Variants in GABRB1 observed in about 807,000 individuals in gnomAD.
GABRB1 encodes gamma-aminobutyric acid type A receptor subunit beta1, also known as gamma-aminobutyric acid receptor subunit beta-1.
In GABRB1, 17 loss-of-function variants were observed where a neutral mutation model predicts 51.6. The observed-to-expected ratio is 0.33, with a 90% CI of 0.23 to 0.49. The LOEUF (loss-of-function observed/expected upper bound fraction) is 0.49, where lower values mean the gene tolerates loss of function less well. GABRB1 is among the 20% of genes least tolerant of loss of function. The pLI is 0.99. For synonymous variants in GABRB1, 247 were observed against 218.9 expected, an observed-to-expected ratio of 1.13 and a Z score of -1.14; for missense variants, 410 against 600.6, an observed-to-expected ratio of 0.68 and a Z score of 3.32.
Position 47,019,574 on chromosome 4 carries a change from T to TCTCTCC in GABRB1, c.-19-12337_-19-12336insTCCCTC, listed in dbSNP as rs1560497981. ...TTCTCTCTCTCTCTCTCTCTCTCTCTCTCCCTCCTTCCTCCCTCCCTCCCT... is the reference window on the plus strand; with the variant it reads ...TTCTCTCTCTCTCTCTCTCTCTCTCTCTCTCCCTCCCTCCTTCCTCCCTCCCTCCCT... On this transcript the variant is annotated intron_variant, in intron 1 of 3. Coordinates refer to the GABRB1 transcript ENST00000513567. Among the ~76,000 whole-genome samples the TCTCTCC allele has an allele frequency of 7.3e-5, 11 of 150,866 alleles. No individual in the cohort carries two copies. In the East Asian group the frequency reaches 1.2e-3, roughly 16 times the overall value.
At chr4:47,420,774 C>T (rs1372839260) in intron 8 of GABRB1, among the ~76,000 whole-genome samples, 2 of 152,156 alleles carry the variant, frequency 1.3e-5, no homozygotes, top group African/African-American at 4.8e-5. Context: ...AAAGGGAAAG[C>T]CACTCTTCTC....
At chr4:47,317,383 T>C (rs556115167) in intron 4 of GABRB1, among the ~76,000 whole-genome samples, 1 of 151,976 alleles carries the variant, frequency 6.6e-6, no homozygotes, top group Non-Finnish European at 1.5e-5. Context: ...TAAAAGAGTA[T>C]AGCAGACAAA....
chr4:47,057,224 C>T (rs1286099805), intron 3 of GABRB1, among the ~76,000 whole-genome samples: 2 of 152,140 alleles, frequency 1.3e-5, no homozygotes, highest in African/African-American at 4.8e-5. Flanking sequence ...GGAATCTAGA[C>T]CTCTCTCATT....
chr4:47,102,564 C>T (rs1045631776), intron 3 of GABRB1, among the ~76,000 whole-genome samples: 2 of 151,852 alleles, frequency 1.3e-5, no homozygotes, highest in Admixed American at 6.6e-5. Context: ...GAAATGAAGC[C>T]TAAGTTGAGT....
chr4:47,358,878 T>G (rs1182102831), intron 5 of GABRB1, among the ~76,000 whole-genome samples: 2 of 152,258 alleles, frequency 1.3e-5, no homozygotes, highest in South Asian at 2.1e-4. Flanking sequence ...ATCTATAGTT[T>G]GTGTGGGGAC....
At chr4:47,012,660 C>T (rs1181801036) in intron 1 of GABRB1, among the ~76,000 whole-genome samples, 3 of 152,164 alleles carry the variant, frequency 2.0e-5, no homozygotes, top group African/African-American at 4.8e-5. Flanking sequence ...GTTGTTTATT[C>T]GTATGCATTC....
At chr4:47,265,485 A>G (rs958808082) in intron 4 of GABRB1, among the ~76,000 whole-genome samples, 1 of 152,130 alleles carries the variant, frequency 6.6e-6, no homozygotes, top group Non-Finnish European at 1.5e-5. Context: ...ATCAAATAGT[A>G]GTTCTATTTT....
rs774062328 is a variant in GABRB1 at position 47,032,010 on chromosome 4, C to T, written c.172+5C>T. 1.2e-6 allele frequency: 2 copies of T among 1,604,156 alleles called. No individual in the cohort carries two copies. Among genetic ancestry groups the T allele is most frequent in the South Asian group, 2.2e-5 (2 of 90,876 alleles). ...GCTTGCGGCCGGACTTCGGAGGTAACGCTTCATCTTTTTTCAACCTGTAAC... is the reference window on the plus strand; with the variant it reads ...GCTTGCGGCCGGACTTCGGAGGTAATGCTTCATCTTTTTTCAACCTGTAAC... On this transcript the variant is annotated splice_donor_5th_base_variant and intron_variant, in intron 2 of 8. Transcript: ENST00000295454.
chr4:47,072,646 C>T (rs1727387638), intron 3 of GABRB1, among the ~76,000 whole-genome samples: 2 of 152,074 alleles, frequency 1.3e-5, no homozygotes, highest in Non-Finnish European at 2.9e-5. Context: ...TAAGGCAATG[C>T]TGTGAATTTT....
At chr4:47,337,035 A>C (rs888266627) in intron 5 of GABRB1, among the ~76,000 whole-genome samples, 6 of 152,358 alleles carry the variant, frequency 3.9e-5, no homozygotes, top group Admixed American at 1.3e-4. Flanking sequence ...GAAGCCAAAC[A>C]TAGAAAAAGG....
intron 5 of GABRB1, among the ~76,000 whole-genome samples, chr4:47,358,838 C>G (rs1174429055): frequency 1.3e-5 from 2 of 152,068 alleles, no homozygotes; most frequent in East Asian, 3.9e-4. Context: ...CTAAAGTAAT[C>G]TTAGGAATTT....
Position 47,174,444 on chromosome 4 carries a change from A to G in GABRB1, c.461+12975A>G, listed in dbSNP as rs924317178. Among the ~76,000 whole-genome samples the G allele has an allele frequency of 2.5e-3, 384 of 152,224 alleles. 6 individuals are homozygous for G. Among genetic ancestry groups the G allele is most frequent in the Non-Finnish European group, 4.6e-4 (31 of 68,006 alleles). ...GTACACTGCTCATCTTCCAACTTCT[A>G]TAACTACTTCAACTCTTGTAGATAC... On this transcript the variant is annotated intron_variant, in intron 4 of 8. Coordinates refer to ENST00000295454, the MANE Select transcript of GABRB1 (RefSeq NM_000812.4).
intron 3 of GABRB1, among the ~76,000 whole-genome samples, chr4:47,054,926 C>G (rs1306153370): frequency 1.3e-5 from 2 of 152,084 alleles, no homozygotes; most frequent in East Asian, 3.9e-4. Context: ...TTTCATAAGT[C>G]CTATTGGATT....
At chr4:47,040,578 G>A (rs558693609) in intron 3 of GABRB1, among the ~76,000 whole-genome samples, 4 of 152,118 alleles carry the variant, frequency 2.6e-5, no homozygotes, top group Non-Finnish European at 5.9e-5. Flanking sequence ...TTTCACTGCT[G>A]AAGTGGACAC....
At chr4:47,371,593 G>A (rs1462585042) in intron 5 of GABRB1, among the ~76,000 whole-genome samples, 3 of 152,120 alleles carry the variant, frequency 2.0e-5, no homozygotes, top group African/African-American at 7.2e-5. Context: ...AACCTCACGA[G>A]CATCTGTTGT....
rs564705691 is a variant in GABRB1 at position 47,230,813 on chromosome 4, G to A, written c.461+69344G>A. Among the ~76,000 whole-genome samples the A allele has an allele frequency of 6.6e-5, 10 of 152,266 alleles. No homozygotes were observed. In the East Asian group the frequency reaches 1.4e-3, roughly 21 times the overall value. ...AACCCATCTTGAGGATTTGGGTTAT[G>A]AGGATTTGATAAGACCCTCAAATAG... On this transcript the variant is annotated intron_variant, in intron 4 of 8. Coordinates refer to ENST00000295454, the MANE Select transcript of GABRB1 (RefSeq NM_000812.4).
In GABRB1 at chr4:47,330,861, A is replaced by G. The variant is rs1725454934; in HGVS notation, c.544+10652A>G. ...AAACATGTAAATACTCACAAGGAAA[A>G]CATGAAATATAGGACAATTACAAGC... On this transcript the variant is annotated intron_variant, in intron 5 of 8. Transcript: ENST00000295454. 2.0e-5 allele frequency among the ~76,000 whole-genome samples: 3 copies of G among 152,314 alleles called. No individual in the cohort carries two copies. In the South Asian group the frequency reaches 6.2e-4, roughly 32 times the overall value.
chr4:47,128,005 A>G (rs1383453068), intron 3 of GABRB1, among the ~76,000 whole-genome samples: 1 of 151,734 alleles, frequency 6.6e-6, no homozygotes, highest in Admixed American at 6.6e-5. Flanking sequence ...CAAATTTACA[A>G]CTAAGAAAGT....
chr4:47,218,433 C>T (rs1055419520), intron 4 of GABRB1, among the ~76,000 whole-genome samples: 2 of 151,776 alleles, frequency 1.3e-5, no homozygotes, highest in Non-Finnish European at 1.5e-5. Context: ...ATAATGGCTA[C>T]ACTAACTTAC....
Sources: gnomAD v4.1 joint callset for allele counts (sites outside exome capture counted in the v4.1 genomes callset) on GRCh38, gnomAD v4.1.1 for gene constraint, MANE v1.5 for transcripts, NCBI Gene and HGNC (gene_info 2026-07-23, HGNC 2026-07-21) for gene names.